Variants in LONRF1 observed in about 807,000 individuals in gnomAD.
LONRF1 encodes the protein LON peptidase N-terminal domain and ring finger 1, also known as LON peptidase N-terminal domain and RING finger protein 1.
Under a neutral mutation model 85.8 loss-of-function variants are expected in LONRF1, and 37 were observed. The ratio of observed to expected loss-of-function variants is 0.43; its 90% CI spans 0.33 to 0.57. The LOEUF is 0.57. Ranked by LOEUF, LONRF1 falls within the 20% of genes least tolerant of loss-of-function variation. The pLI is 0.04. For missense variants in LONRF1, 1,036 were observed against 978.0 expected (o/e 1.06, Z -0.79); for synonymous variants, 517 against 390.1 (o/e 1.33, Z -3.83).
intron 8 of LONRF1, among the ~76,000 whole-genome samples, chr8:12,731,458 C>G (rs1452911103): frequency 2.6e-5 from 4 of 152,176 alleles, no homozygotes; most frequent in Middle Eastern, 3.2e-3. Context: ...CGCCCCCTCT[C>G]TATTTCCCAT....
At chr8:12,730,730 A>G (rs1798496507) in intron 8 of LONRF1, among the ~76,000 whole-genome samples, 1 of 152,226 alleles carries the variant, frequency 6.6e-6, no homozygotes, top group African/African-American at 2.4e-5. Context: ...TAAAATATCA[A>G]TTCTGTGAGA....
At chr8:12,754,377 G>A (rs983511894) in intron 1 of LONRF1, 2 of 227,372 alleles carry the variant, frequency 8.8e-6, no homozygotes, top group African/African-American at 2.3e-5. Flanking sequence ...TCCCGCGCCG[G>A]GGCGGCCTCG....
chr8:12,722,706 TTTTG>T lies in LONRF1; in HGVS notation c.*386_*389del, dbSNP rs1010597525. 2.1e-4 allele frequency: 33 copies of T among 154,918 alleles called. No homozygotes were observed. The highest frequency in any genetic ancestry group is 2.0e-4 in the Non-Finnish European group (14 of 70,512). 9.6% of individuals were successfully genotyped at this position (154,918 alleles called of 1,614,324 possible). On this transcript the variant is annotated 3_prime_UTR_variant, in exon 12 of 12. Coordinates refer to ENST00000398246, the MANE Select transcript of LONRF1 (RefSeq NM_152271.5). ...CGGCAAGTTCTGCTCTCTATGGCTT[TTTTG>T]TTTGTTTGTTTTAAAATTTTAAAGC...
In LONRF1 at chr8:12,729,348, T is replaced by A. The variant is rs1585225446; in HGVS notation, c.1689-16A>T. The A allele has an allele frequency of 1.9e-6, 3 of 1,610,350 alleles. No individual in the cohort carries two copies. The highest frequency in any genetic ancestry group is 2.5e-6 in the Non-Finnish European group (3 of 1,178,136). ...CTTGGTCAAGCTAAGGGAAAAACAG[T>A]TTAATTATTAGAATTCATACAAGAA... On this transcript the variant is annotated splice_polypyrimidine_tract_variant and intron_variant, in intron 8 of 11. Coordinates refer to ENST00000398246, the MANE Select transcript of LONRF1 (RefSeq NM_152271.5).
intron 6 of LONRF1, 149 bp from the exon 7 acceptor site, chr8:12,735,549 G>C: frequency 1.7e-6 from 1 of 599,706 alleles, no homozygotes; most frequent in Non-Finnish European, 3.0e-6. Context: ...GCAGTGATAA[G>C]TGTAACCATA....
intron 8 of LONRF1, 161 bp from the exon 9 acceptor site, chr8:12,729,493 C>T (rs765436290): frequency 1.6e-6 from 1 of 642,704 alleles, no homozygotes. Context: ...GAACAAGAAT[C>T]AGCACCCCGT....
chr8:12,754,871 C>G lies in LONRF1; in HGVS notation c.550G>C (p.Ala184Pro). The G allele has an allele frequency of 2.7e-6, 4 of 1,492,588 alleles. No homozygotes were observed. The highest frequency in any genetic ancestry group is 1.8e-6 in the Non-Finnish European group (2 of 1,126,148). The allele number at this position is 1,492,588 out of a possible 1,614,324, so 92.5% of individuals were successfully genotyped here. The change falls in exon 1 of 12, where the codon GCC (alanine) becomes CCC (proline). Residue 184 changes from alanine (A) to proline (P), a missense_variant. Coordinates refer to ENST00000398246, the MANE Select transcript of LONRF1 (RefSeq NM_152271.5). ...GTAPRPPPLAAAIAASDFRTS... is the reference protein window; with the variant it reads ...GTAPRPPPLAPAIAASDFRTS... Reference sequence around the variant, plus strand: ...CTGAAGTCTGAAGCGGCGATGGCGGCGGCCAGAGGCGGCGGCCGCGGGGCG... The same window carrying G: ...CTGAAGTCTGAAGCGGCGATGGCGGGGGCCAGAGGCGGCGGCCGCGGGGCG...
In LONRF1 at chr8:12,755,029, C is replaced by A; in HGVS notation, c.392G>T (p.Ser131Ile). Reference sequence around the variant, plus strand: ...GCCACAGGGCACGGTCACCGGCTCGCTCAGGAAGCCCCGGCAGCCCAGGCA... The same window carrying A: ...GCCACAGGGCACGGTCACCGGCTCGATCAGGAAGCCCCGGCAGCCCAGGCA... ...LRCLGCRGFL[S>I]EPVTVPCGHS... Residue 131 changes from serine to isoleucine, a missense_variant, in exon 1 of 12, where the codon AGC (serine) becomes ATC (isoleucine). Ser to Ile is a moderately radical substitution (Grantham distance 142). Transcript: ENST00000398246. The A allele has an allele frequency of 6.7e-7, 1 of 1,490,748 alleles. No individual in the cohort carries two copies. The highest frequency in any genetic ancestry group is 8.9e-7 in the Non-Finnish European group (1 of 1,127,070). 92.3% of individuals were successfully genotyped at this position (1,490,748 alleles called of 1,614,324 possible).
At chr8:12,754,596 G>T in intron 1 of LONRF1, 104 bp downstream of exon 1, 1 of 1,202,516 alleles carries the variant, frequency 8.3e-7, no homozygotes, top group Non-Finnish European at 1.0e-6. Flanking sequence ...GCGGCCCCGG[G>T]GAAGCAGAGG....
chr8:12,725,557 C>A (rs1449486561), intron 11 of LONRF1, among the ~76,000 whole-genome samples, 170 bp downstream of exon 11: 2 of 152,158 alleles, frequency 1.3e-5, no homozygotes, highest in Non-Finnish European at 2.9e-5. Context: ...GTAGTGGAGA[C>A]CACTGCTCTA....
Position 12,754,591 on chromosome 8 carries a change from C to G in LONRF1, c.721+109G>C, listed in dbSNP as rs1462495186. The G allele has an allele frequency of 1.2e-5, 14 of 1,194,752 alleles. No individual in the cohort carries two copies. In the East Asian group the frequency reaches 4.4e-4, roughly 38 times the overall value. The allele number at this position is 1,194,752 out of a possible 1,614,324, so 74.0% of individuals were successfully genotyped here. Reference sequence around the variant, plus strand: ...CCCGACACGCCAGCGGCCCAGCGGCCCCGGGGAAGCAGAGGAGACTCTCGG... The same window carrying G: ...CCCGACACGCCAGCGGCCCAGCGGCGCCGGGGAAGCAGAGGAGACTCTCGG... On this transcript the variant is annotated intron_variant, in intron 1 of 11. Transcript: ENST00000398246.
At position 12,749,955 on chromosome 8, in the gene LONRF1, A is replaced by T. The variant is rs80225660; in HGVS notation, c.721+4745T>A. On this transcript the variant is annotated intron_variant, in intron 1 of 11. Coordinates refer to ENST00000398246, the MANE Select transcript of LONRF1 (RefSeq NM_152271.5). Reference sequence around the variant, plus strand: ...TCTAGCACCTAAAACAATGCCTGGTATATAGTAGCTACTCAATAAAAATTT... The same window carrying T: ...TCTAGCACCTAAAACAATGCCTGGTTTATAGTAGCTACTCAATAAAAATTT... Among the ~76,000 whole-genome samples, 63 of 152,362 alleles carry T rather than the reference A, an allele frequency of 4.1e-4. No homozygotes were observed. In the East Asian group the frequency reaches 0.01, roughly 24 times the overall value.
At chr8:12,725,193 C>A (rs910670061) in intron 11 of LONRF1, among the ~76,000 whole-genome samples, 1 of 152,090 alleles carries the variant, frequency 6.6e-6, no homozygotes, top group Admixed American at 6.5e-5. Context: ...CCCTAAGTAC[C>A]TGCAAGACTA....
Position 12,736,742 on chromosome 8 carries a change from T to G in LONRF1, c.1410A>C (p.Glu470Asp). ...ACTCGAAATCTGAGACATCGATTAATTCTTCTGGAATATCACCATAAGCTA... is the reference window on the plus strand; with the variant it reads ...ACTCGAAATCTGAGACATCGATTAAGTCTTCTGGAATATCACCATAAGCTA... The part of the protein sequence containing the change: ...FSLAYGDIPE[E>D]LIDVSDFECS... Residue 470 changes from glutamate (E) to aspartate (D), a missense_variant, in exon 6 of 12, where the codon GAA becomes GAC. This residue lies in a region of LONRF1 where 742 missense variants were observed against 614.4 expected (regional missense o/e 1.21). Transcript: ENST00000398246. 6.2e-7 allele frequency: 1 copy of G among 1,611,876 alleles called. No individual in the cohort carries two copies. Among genetic ancestry groups the G allele is most frequent in the Non-Finnish European group, 8.5e-7 (1 of 1,179,020 alleles).
At chr8:12,725,914 T>C (rs747026968) in intron 10 of LONRF1, 35 bp from the exon 11 acceptor site, 8 of 1,585,544 alleles carry the variant, frequency 5.0e-6, no homozygotes, top group African/African-American at 2.7e-5. Flanking sequence ...CTTCTGTGTC[T>C]AATCCCCCGT....
intron 7 of LONRF1, among the ~76,000 whole-genome samples, chr8:12,734,551 G>A (rs974351887): frequency 5.3e-5 from 8 of 152,086 alleles, no homozygotes; most frequent in African/African-American, 1.9e-4. Flanking sequence ...ATGATTAAGA[G>A]GGTGCTCTCT....
intron 6 of LONRF1, 119 bp from the exon 7 acceptor site, chr8:12,735,519 G>A: frequency 1.5e-6 from 1 of 670,378 alleles, no homozygotes; most frequent in Non-Finnish European, 2.6e-6. Context: ...GGGCCCAGCA[G>A]GCAGGAGAGG....
intron 2 of LONRF1, among the ~76,000 whole-genome samples, chr8:12,741,857 T>G (rs1468259733): frequency 1.3e-5 from 2 of 152,174 alleles, no homozygotes; most frequent in Non-Finnish European, 2.9e-5. Context: ...TTCAGCAAAC[T>G]CTATGACAAA....
chr8:12,731,412 G>A (rs1563139247), intron 8 of LONRF1, among the ~76,000 whole-genome samples: 1 of 151,604 alleles, frequency 6.6e-6, no homozygotes, highest in African/African-American at 2.4e-5. Context: ...CACGACACAT[G>A]AGAGCCGCCA....
Sources: gnomAD v4.1 joint callset for allele counts (sites outside exome capture counted in the v4.1 genomes callset) on GRCh38, gnomAD v4.1.1 for gene constraint, gnomAD v4.1.1 regional missense constraint, MANE v1.5 for transcripts, NCBI Gene and HGNC (gene_info 2026-07-23, HGNC 2026-07-21) for gene names.